The following DNM3 variants were observed in gnomAD, a reference collection of about 807,000 sequenced individuals.
DNM3 encodes the protein dynamin 3, also known as dynamin-3.
A neutral mutation model predicts 101.6 loss-of-function variants in DNM3; 47 were observed. That is an observed-to-expected ratio of 0.46 (90% CI 0.37 to 0.59). The LOEUF (loss-of-function observed/expected upper bound fraction) is 0.59, where lower values mean the gene tolerates loss of function less well. DNM3 is among the 20% of genes least tolerant of loss of function. The probability of loss-of-function intolerance (pLI) is 0.00; values close to 1 mark genes in which losing one functional copy is unlikely to be tolerated. For synonymous variants in DNM3, 385 were observed against 387.9 expected, an observed-to-expected ratio of 0.99 and a Z score of 0.09; for missense variants, 849 against 1,085.7, an observed-to-expected ratio of 0.78 and a Z score of 3.06.
At chr1:171,900,874 C>T (rs1056042528) in intron 1 of DNM3, among the ~76,000 whole-genome samples, 23 of 151,688 alleles carry the variant, frequency 1.5e-4, no homozygotes, top group Admixed American at 7.9e-4. Context: ...TTAGGGAGGC[C>T]GAGGCGGGCG....
intron 13 of DNM3, among the ~76,000 whole-genome samples, chr1:172,100,489 G>C (rs1481508143): frequency 6.6e-6 from 1 of 152,164 alleles, no homozygotes; most frequent in African/African-American, 2.4e-5. Context: ...TTCTTTAACA[G>C]ATGGATAACA....
chr1:172,353,022 A>G (rs1483318018), intron 17 of DNM3, among the ~76,000 whole-genome samples: 6 of 152,074 alleles, frequency 3.9e-5, no homozygotes, highest in Non-Finnish European at 5.9e-5. Flanking sequence ...TTCTTTTTCA[A>G]ATCCCCACCT....
At chr1:172,350,321 TG>T (rs2067144364) in intron 17 of DNM3, among the ~76,000 whole-genome samples, 1 of 72,730 alleles carries the variant, frequency 1.4e-5, no homozygotes, top group African/African-American at 3.2e-5. Context: ...TTATCTTGTG[TG>T]TGTGTGTGTG....
At chr1:172,132,074 A>T (rs929814568) in intron 14 of DNM3, among the ~76,000 whole-genome samples, 2 of 152,178 alleles carry the variant, frequency 1.3e-5, no homozygotes, top group Admixed American at 6.6e-5. Context: ...TTTGGTACTT[A>T]TAATGCGGCA....
At chr1:172,002,814 A>G (rs2046433382) in intron 4 of DNM3, among the ~76,000 whole-genome samples, 1 of 152,062 alleles carries the variant, frequency 6.6e-6, no homozygotes, top group Non-Finnish European at 1.5e-5. Context: ...AAGTAAGAAC[A>G]AAAGAAAAAT....
intron 14 of DNM3, among the ~76,000 whole-genome samples, chr1:172,190,087 T>TATA (rs1235110440): frequency 6.6e-6 from 1 of 151,736 alleles, no homozygotes; most frequent in East Asian, 1.9e-4. Context: ...TGTATACATG[T>TATA]CCCATGTTGG....
chr1:171,857,654 A>G (rs1198231899), intron 1 of DNM3, among the ~76,000 whole-genome samples: 4 of 152,162 alleles, frequency 2.6e-5, no homozygotes, highest in Admixed American at 2.6e-4. Context: ...CTGTTTCATT[A>G]ACATTAGCTT....
chr1:172,166,437 G>C (rs192817849), intron 14 of DNM3, among the ~76,000 whole-genome samples: 2 of 152,038 alleles, frequency 1.3e-5, no homozygotes, highest in Non-Finnish European at 2.9e-5. Context: ...TGCCATCATA[G>C]TGATCACATC....
At chr1:171,892,993 T>C (rs9425821) in intron 1 of DNM3, among the ~76,000 whole-genome samples, 62,910 of 151,642 alleles carry the variant, frequency 0.41, 13,442 homozygotes, top group Non-Finnish European at 0.43. Context: ...TAGGTGTTGG[T>C]CTGTGGCGCA....
At chr1:172,167,575 G>A (rs906153866) in intron 14 of DNM3, among the ~76,000 whole-genome samples, 7 of 151,994 alleles carry the variant, frequency 4.6e-5, no homozygotes, top group Non-Finnish European at 8.8e-5. Context: ...ATGCTCTCCA[G>A]CACCTGTTGT....
At chr1:172,307,912 C>T (rs1373852477) in intron 15 of DNM3, among the ~76,000 whole-genome samples, 2 of 151,960 alleles carry the variant, frequency 1.3e-5, no homozygotes, top group African/African-American at 4.8e-5. Context: ...AGGAGAAATA[C>T]CTAATGTAAA....
At chr1:172,282,658 A>G (rs531757407) in intron 15 of DNM3, among the ~76,000 whole-genome samples, 44 of 152,222 alleles carry the variant, frequency 2.9e-4, no homozygotes, top group Non-Finnish European at 5.4e-4. Flanking sequence ...ATCTCTGTTT[A>G]TCTACTCCAC....
chr1:172,018,315 A>G (rs1004685547), intron 4 of DNM3, among the ~76,000 whole-genome samples: 2 of 151,958 alleles, frequency 1.3e-5, no homozygotes, highest in African/African-American at 4.8e-5. Context: ...TTGTGCCTTT[A>G]GTTGAGCATT....
intron 14 of DNM3, 45 bp downstream of exon 14, chr1:172,131,333 C>A: frequency 6.6e-7 from 1 of 1,522,942 alleles, no homozygotes; most frequent in South Asian, 1.2e-5. Flanking sequence ...AAGTATTTCT[C>A]ATTTTAAATT....
rs1012494644 is a variant in DNM3 at position 171,917,956 on chromosome 1, C to G, written c.162-3792C>G. Among the ~76,000 whole-genome samples the G allele has an allele frequency of 2.0e-5, 3 of 152,132 alleles. No individual in the cohort carries two copies. In the South Asian group the frequency reaches 6.2e-4, roughly 32 times the overall value. On this transcript the variant is annotated intron_variant, in intron 1 of 20. Coordinates refer to ENST00000627582, the MANE Select transcript of DNM3 (RefSeq NM_015569.5). ...GATACAATTCAATTGGATGGTGGTG[C>G]TCAGTGGCTAATGAACTATTCAATA...
At chr1:172,032,526 CTTTTTTTTTTTTTTTT>C (rs750270768) in intron 5 of DNM3, 26 bp downstream of exon 5, 24 of 360,786 alleles carry the variant, frequency 6.7e-5, no homozygotes, top group East Asian at 1.3e-4. Context: ...CTATACAAGA[CTTTTTTTTTTTTTTTT>C]TTTTTTTTTT....
At chr1:172,235,687 C>T (rs150326215) in intron 14 of DNM3, among the ~76,000 whole-genome samples, 1 of 152,112 alleles carries the variant, frequency 6.6e-6, no homozygotes, top group Non-Finnish European at 1.5e-5. Flanking sequence ...GAGTTCATGT[C>T]CTTTGTAGGG....
At chr1:172,261,366 A>G (rs1463383200) in intron 15 of DNM3, among the ~76,000 whole-genome samples, 2 of 151,954 alleles carry the variant, frequency 1.3e-5, no homozygotes, top group African/African-American at 4.8e-5. Flanking sequence ...TAGTCTCTGT[A>G]TGACTTCTTC....
chr1:172,154,010 A>ATTCG (rs1437655724), intron 14 of DNM3, among the ~76,000 whole-genome samples: 3 of 151,454 alleles, frequency 2.0e-5, no homozygotes, highest in African/African-American at 7.3e-5. Flanking sequence ...TGTTCCATTC[A>ATTCG]TTCGTTCATT....
Sources: gnomAD v4.1 joint callset for allele counts (sites outside exome capture counted in the v4.1 genomes callset) on GRCh38, gnomAD v4.1.1 for gene constraint, MANE v1.5 for transcripts, NCBI Gene and HGNC (gene_info 2026-07-23, HGNC 2026-07-21) for gene names.